The following TDRD3 variants were observed in gnomAD, a reference collection of about 807,000 sequenced individuals.
TDRD3 encodes tudor domain containing 3.
A neutral mutation model predicts 86.7 loss-of-function variants in TDRD3; 45 were observed. The ratio of observed to expected loss-of-function variants is 0.52; its 90% CI spans 0.41 to 0.67. TDRD3 has a LOEUF of 0.67. TDRD3 is among the 30% of genes least tolerant of loss of function. The pLI is 0.00. For synonymous variants in TDRD3, 298 were observed against 301.7 expected (o/e 0.99, Z 0.13); for missense variants, 814 against 889.0 (o/e 0.92, Z 1.07).
At chr13:60,482,795 T>C (rs1178921545) in intron 5 of TDRD3, among the ~76,000 whole-genome samples, 2 of 152,010 alleles carry the variant, frequency 1.3e-5, no homozygotes, top group Admixed American at 6.6e-5. Context: ...GTTTACACAA[T>C]TCAGGAACTC....
intron 5 of TDRD3, among the ~76,000 whole-genome samples, chr13:60,469,708 A>G (rs571871516): frequency 5.5e-4 from 84 of 152,216 alleles, no homozygotes; most frequent in Non-Finnish European, 9.0e-4. Context: ...CATAGAAATT[A>G]TAAACCATAA....
intron 5 of TDRD3, among the ~76,000 whole-genome samples, chr13:60,469,878 A>G (rs1956039239): frequency 6.6e-6 from 1 of 152,206 alleles, no homozygotes; most frequent in Non-Finnish European, 1.5e-5. Flanking sequence ...TATTGTGGCA[A>G]AGTATACATA....
intron 5 of TDRD3, among the ~76,000 whole-genome samples, chr13:60,473,768 C>T (rs1956122685): frequency 6.6e-6 from 1 of 152,308 alleles, no homozygotes; most frequent in South Asian, 2.1e-4. Flanking sequence ...CACTAGAGGG[C>T]TCCCTGGTCT....
intron 3 of TDRD3, among the ~76,000 whole-genome samples, chr13:60,457,894 A>G (rs2138041014): frequency 6.6e-6 from 1 of 152,202 alleles, no homozygotes; most frequent in Non-Finnish European, 1.5e-5. Flanking sequence ...CTTCTCTTCT[A>G]AGGACACTCG....
chr13:60,467,161 G>C, intron 4 of TDRD3, 77 bp from the exon 5 acceptor site: 2 of 1,552,330 alleles, frequency 1.3e-6, no homozygotes, highest in South Asian at 1.2e-5. Flanking sequence ...GACAGGCCCC[G>C]GTCTGTGTTG....
intron 1 of TDRD3, among the ~76,000 whole-genome samples, chr13:60,405,327 A>G (rs1954209158): frequency 6.6e-6 from 1 of 152,172 alleles, no homozygotes; most frequent in Non-Finnish European, 1.5e-5. Context: ...ATAGTCAGAT[A>G]TAGTCTTATA....
intron 3 of TDRD3, among the ~76,000 whole-genome samples, chr13:60,448,219 G>T (rs1955453021): frequency 6.6e-6 from 1 of 152,102 alleles, no homozygotes; most frequent in Admixed American, 6.6e-5. Context: ...AAGAAAGATT[G>T]TAAGTCTGCA....
chr13:60,565,387 A>G (rs1306295951), intron 12 of TDRD3, among the ~76,000 whole-genome samples: 1 of 151,980 alleles, frequency 6.6e-6, no homozygotes, highest in Non-Finnish European at 1.5e-5. Flanking sequence ...TTTAGCTTCT[A>G]CTTTATATAG....
intron 12 of TDRD3, among the ~76,000 whole-genome samples, chr13:60,539,554 G>A (rs1253880578): frequency 6.6e-6 from 1 of 151,430 alleles, no homozygotes; most frequent in African/African-American, 2.4e-5. Flanking sequence ...TTTGTTTTTA[G>A]GAGGGTTTGG....
chr13:60,496,739 C>A (rs1004973600), intron 8 of TDRD3, among the ~76,000 whole-genome samples: 5 of 152,104 alleles, frequency 3.3e-5, no homozygotes, highest in Non-Finnish European at 7.4e-5. Flanking sequence ...CTCAGGCATC[C>A]TATCTCCTGG....
intron 5 of TDRD3, among the ~76,000 whole-genome samples, chr13:60,472,082 G>A (rs928924271): frequency 8.6e-5 from 13 of 152,038 alleles, no homozygotes; most frequent in African/African-American, 2.7e-4. Context: ...TTATAAAAGT[G>A]TGTTTGGTTT....
intron 12 of TDRD3, among the ~76,000 whole-genome samples, chr13:60,557,206 CAAAAAAAA>C (rs138618410): frequency 0.15 from 17,390 of 117,836 alleles, 1,331 homozygotes; most frequent in South Asian, 0.31. Flanking sequence ...AACTCTGTCT[CAAAAAAAA>C]AAAAAAAAAA....
intron 3 of TDRD3, among the ~76,000 whole-genome samples, chr13:60,450,074 C>G (rs1955500140): frequency 2.0e-5 from 3 of 152,048 alleles, no homozygotes; most frequent in Non-Finnish European, 4.4e-5. Context: ...TATGTATTAT[C>G]TATACAATAT....
chr13:60,510,647 G>A lies in TDRD3; in HGVS notation c.1033G>A (p.Gly345Arg). Residue 345 changes from glycine (G) to arginine (R), a missense_variant, in exon 10 of 14, where the codon GGG becomes AGG. Physicochemically the swap from Gly to Arg is moderately radical, Grantham distance 125 (BLOSUM62 -2). Coordinates refer to ENST00000377881, the MANE Select transcript of TDRD3 (RefSeq NM_001146070.2). ...PPLRGRGKGRGRIRSEDEEDL... is the reference protein window; with the variant it reads ...PPLRGRGKGRRRIRSEDEEDL... ...ATCTAAAGGTAGAGGAAAAGGCAGGGGGCGAATAAGATCTGAAGATGAAGA... is the reference window on the plus strand; with the variant it reads ...ATCTAAAGGTAGAGGAAAAGGCAGGAGGCGAATAAGATCTGAAGATGAAGA... The A allele has an allele frequency of 6.2e-7, 1 of 1,601,318 alleles. No individual in the cohort carries two copies. The highest frequency in any genetic ancestry group is 8.5e-7 in the Non-Finnish European group (1 of 1,173,858).
intron 3 of TDRD3, among the ~76,000 whole-genome samples, chr13:60,457,361 G>C (rs544632135): frequency 3.9e-5 from 6 of 152,198 alleles, no homozygotes; most frequent in Non-Finnish European, 5.9e-5. Context: ...CTTTATTACT[G>C]ATTAAAATGT....
At chr13:60,560,813 C>T (rs1356434921) in intron 12 of TDRD3, among the ~76,000 whole-genome samples, 1 of 152,088 alleles carries the variant, frequency 6.6e-6, no homozygotes, top group Non-Finnish European at 1.5e-5. Flanking sequence ...TGGGATGTCC[C>T]ACAGTCCTCC....
At chr13:60,424,491 A>G (rs537387795) in intron 1 of TDRD3, among the ~76,000 whole-genome samples, 1 of 152,058 alleles carries the variant, frequency 6.6e-6, no homozygotes, top group African/African-American at 2.4e-5. Flanking sequence ...AGCCTGGCCA[A>G]CATGGCAAAA....
Position 60,563,294 on chromosome 13 carries a change from G to C in TDRD3, c.2119-4231G>C, listed in dbSNP as rs149038609. On this transcript the variant is annotated intron_variant, in intron 12 of 13. Coordinates refer to ENST00000377881, the MANE Select transcript of TDRD3 (RefSeq NM_001146070.2). ...AAAATGAACATATTGCTGGAGCTGAGGTAAGTATCTAAGTATTTTCAGCAA... is the reference window on the plus strand; with the variant it reads ...AAAATGAACATATTGCTGGAGCTGACGTAAGTATCTAAGTATTTTCAGCAA... 3.4e-3 allele frequency among the ~76,000 whole-genome samples: 521 copies of C among 151,708 alleles called. 5 individuals carry two copies. The highest frequency in any genetic ancestry group is 5.9e-3 in the Non-Finnish European group (404 of 67,964).
chr13:60,442,530 G>A (rs1018608279), intron 2 of TDRD3, among the ~76,000 whole-genome samples: 3 of 151,930 alleles, frequency 2.0e-5, no homozygotes, highest in Non-Finnish European at 4.4e-5. Flanking sequence ...CCCAGTCATC[G>A]TCCTAGCAAT....
Sources: allele counts gnomAD v4.1 joint callset (sites outside exome capture counted in the v4.1 genomes callset), GRCh38; gene constraint gnomAD v4.1.1; transcripts MANE v1.5; gene names NCBI Gene and HGNC (gene_info 2026-07-23, HGNC 2026-07-21).